CRB1: variants seen among roughly 807,000 people sequenced by gnomAD.
CRB1 encodes protein crumbs homolog 1.
CRB1 carries 83 observed loss-of-function variants against 120.0 expected under a neutral mutation model. That is an observed-to-expected ratio of 0.69 (90% CI 0.58 to 0.83). The LOEUF is 0.83. CRB1 is among the 40% of genes least tolerant of loss of function. The pLI, the probability that CRB1 is intolerant of heterozygous loss-of-function variation, is 0.00. For synonymous variants in CRB1, 625 were observed against 612.5 expected (o/e 1.02, Z -0.30); for missense variants, 1,699 against 1,687.6 (o/e 1.01, Z -0.12).
chr1:197,335,567 C>G (rs1273094765), intron 2 of CRB1, among the ~76,000 whole-genome samples: 1 of 152,002 alleles, frequency 6.6e-6, no homozygotes, highest in South Asian at 2.1e-4. Context: ...GGTGCAATCT[C>G]GGCTCGCTGC....
At chr1:197,444,239 G>A (rs1040593780) in intron 11 of CRB1, 1 of 152,188 alleles carries the variant, frequency 6.6e-6, no homozygotes, top group African/African-American at 2.4e-5. Context: ...TCTTGCAATA[G>A]TAATAGACAA....
chr1:197,308,321 A>G (rs1408153460), intron 1 of CRB1, among the ~76,000 whole-genome samples: 2 of 152,176 alleles, frequency 1.3e-5, no homozygotes, highest in African/African-American at 4.8e-5. Flanking sequence ...ATTGGGTACT[A>G]TACTCACTAT....
intron 11 of CRB1, among the ~76,000 whole-genome samples, chr1:197,470,906 G>A (rs192226306): frequency 1.8e-4 from 27 of 152,318 alleles, no homozygotes; most frequent in African/African-American, 6.3e-4. Context: ...GTGTCACTGG[G>A]CCCTTTCCCT....
chr1:197,406,294 T>C (rs1235606457), intron 5 of CRB1, among the ~76,000 whole-genome samples: 2 of 152,170 alleles, frequency 1.3e-5, no homozygotes, highest in African/African-American at 4.8e-5. Context: ...CTGTGCTCTC[T>C]GAAACATGTG....
rs545187077 is a variant in CRB1 at position 197,452,094 on chromosome 1, C to T, written c.4005+9802C>T. ...TTTCGGGAATCATCTAATCCAACTT[C>T]TTTATGTATGAGATGAAGAATCTAA... On this transcript the variant is annotated intron_variant, in intron 11 of 11. Coordinates refer to ENST00000367400, the MANE Select transcript of CRB1 (RefSeq NM_201253.3). 2.0e-5 allele frequency among the ~76,000 whole-genome samples: 3 copies of T among 152,306 alleles called. No individual in the cohort carries two copies. The East Asian group carries it at 5.8e-4, about 29-fold the overall frequency.
intron 11 of CRB1, among the ~76,000 whole-genome samples, chr1:197,448,655 T>A (rs1665815270): frequency 2.0e-5 from 3 of 152,228 alleles, no homozygotes; most frequent in African/African-American, 7.2e-5. Flanking sequence ...TTTGACATAC[T>A]TTTGTCCTTC....
chr1:197,379,535 C>G (rs993736204), intron 5 of CRB1, among the ~76,000 whole-genome samples: 3 of 144,440 alleles, frequency 2.1e-5, no homozygotes, highest in Non-Finnish European at 3.0e-5. Context: ...CTCCTGACCT[C>G]GTGATCCGCC....
At chr1:197,306,522 A>G (rs550126825) in intron 1 of CRB1, among the ~76,000 whole-genome samples, 1 of 152,290 alleles carries the variant, frequency 6.6e-6, no homozygotes, top group Non-Finnish European at 1.5e-5. Context: ...GATGGAATAT[A>G]TACTCAGAGG....
intron 11 of CRB1, among the ~76,000 whole-genome samples, chr1:197,450,957 CAAAAAAAAAAAAAA>C (rs11288525): frequency 3.5e-5 from 2 of 56,632 alleles, no homozygotes; most frequent in African/African-American, 1.5e-4. Context: ...GACTCCGTCC[CAAAAAAAAAAAAAA>C]AAAAAAAAAA....
chr1:197,375,685 A>C lies in CRB1; in HGVS notation c.1171+18672A>C, dbSNP rs573128231. ...ATTCCCACCTGAAGTTTACTTATGC[A>C]TGGCACCCTGTTCATTCTCTATGAT... On this transcript the variant is annotated intron_variant, in intron 5 of 11. Transcript: ENST00000367400. 2.0e-5 allele frequency among the ~76,000 whole-genome samples: 3 copies of C among 152,234 alleles called. No individual in the cohort carries two copies. The East Asian group carries it at 5.8e-4, about 29-fold the overall frequency.
intron 1 of CRB1, chr1:197,304,459 G>A (rs1437284900): frequency 3.6e-6 from 3 of 822,552 alleles, no homozygotes; most frequent in East Asian, 1.2e-4. Flanking sequence ...TAACCTCTAT[G>A]ATTTTCATAT....
At chr1:197,384,808 C>T (rs543814143) in intron 5 of CRB1, among the ~76,000 whole-genome samples, 1 of 152,222 alleles carries the variant, frequency 6.6e-6, no homozygotes, top group African/African-American at 2.4e-5. Flanking sequence ...TTATATTGCT[C>T]ATTTGCCCTG....
At chr1:197,205,603 G>A in the CRB1 span, among the ~76,000 whole-genome samples, 1 of 152,048 alleles carries the variant, frequency 6.6e-6, no homozygotes, top group Non-Finnish European at 1.5e-5. Flanking sequence ...GAAACCCATT[G>A]GATCATGGTG....
chr1:197,294,524 A>T (rs1365005450), intron 1 of CRB1, among the ~76,000 whole-genome samples: 1 of 152,172 alleles, frequency 6.6e-6, no homozygotes, highest in African/African-American at 2.4e-5. Flanking sequence ...TAGAACTAGA[A>T]ATACCATTTG....
At chr1:197,293,148 T>C (rs1285856407) in intron 1 of CRB1, among the ~76,000 whole-genome samples, 2 of 152,148 alleles carry the variant, frequency 1.3e-5, no homozygotes, top group African/African-American at 4.8e-5. Context: ...GATATGATTG[T>C]ATATTTAGAA....
At chr1:197,349,644 C>T (rs1659977173) in intron 4 of CRB1, among the ~76,000 whole-genome samples, 1 of 152,082 alleles carries the variant, frequency 6.6e-6, no homozygotes, top group Admixed American at 6.6e-5. Context: ...GCCTAAGAGA[C>T]ATTTAACATC....
rs1357091524 is a variant in CRB1 at position 197,419,403 on chromosome 1, C to T, written c.1172-1597C>T. Among the ~76,000 whole-genome samples the T allele has an allele frequency of 2.0e-5, 3 of 150,510 alleles. No homozygotes were observed. In the East Asian group the frequency reaches 5.8e-4, roughly 29 times the overall value. ...TTGAGACAAGAGTCTCGCTTTGTTG[C>T]CCAGGCTGGAGAGCAGTGGCATGAT... On this transcript the variant is annotated intron_variant, in intron 5 of 11. Coordinates refer to ENST00000367400, the MANE Select transcript of CRB1 (RefSeq NM_201253.3).
chr1:197,477,692 T>C lies in CRB1; in HGVS notation c.4034T>C (p.Phe1345Ser). 6.2e-7 allele frequency: 1 copy of C among 1,613,900 alleles called. No individual in the cohort carries two copies. Among genetic ancestry groups the C allele is most frequent in the East Asian group, 2.2e-5 (1 of 44,882 alleles). ...DLADDLISDI[F>S]TTIGSVTVAL... ...GCAGATGACTTGATCTCCGACATTT[T>C]CACCACTATTGGCTCAGTGACTGTC... Residue 1345 changes from phenylalanine to serine, a missense_variant, in exon 12 of 12, where the codon TTC becomes TCC. Coordinates refer to ENST00000367400, the MANE Select transcript of CRB1 (RefSeq NM_201253.3).
chr1:197,446,947 T>A (rs1021060099), intron 11 of CRB1, among the ~76,000 whole-genome samples: 4 of 152,236 alleles, frequency 2.6e-5, no homozygotes, highest in African/African-American at 7.2e-5. Flanking sequence ...ATATTTGGGA[T>A]ATATATTATA....
Sources: allele counts gnomAD v4.1 joint callset (sites outside exome capture counted in the v4.1 genomes callset), GRCh38; gene constraint gnomAD v4.1.1; transcripts MANE v1.5; gene names NCBI Gene and HGNC (gene_info 2026-07-23, HGNC 2026-07-21).